NPLOC4: variants seen among roughly 807,000 people sequenced by gnomAD.
NPLOC4 encodes NPL4 homolog, ubiquitin recognition factor, also known as nuclear protein localization protein 4 homolog.
Under a neutral mutation model 80.6 loss-of-function variants are expected in NPLOC4, and 18 were observed. The ratio of observed to expected loss-of-function variants is 0.22; its 90% CI spans 0.15 to 0.33. The LOEUF (loss-of-function observed/expected upper bound fraction) is 0.33. Among genes scored for constraint, NPLOC4 ranks in the 10% least tolerant of loss-of-function variants. The pLI is 1.00. For missense variants in NPLOC4, 540 were observed against 786.1 expected, an observed-to-expected ratio of 0.69 and a Z score of 3.74; for synonymous variants, 313 against 301.5, an observed-to-expected ratio of 1.04 and a Z score of -0.39.
chr17:81,622,342 C>T, intron 2 of NPLOC4, 64 bp from the exon 3 acceptor site: 3 of 1,112,120 alleles, frequency 2.7e-6, no homozygotes, highest in Non-Finnish European at 4.1e-6. Flanking sequence ...ACATACCATA[C>T]ACACCAGACA....
intron 3 of NPLOC4, among the ~76,000 whole-genome samples, chr17:81,619,170 C>G (rs1330970495): frequency 6.6e-6 from 1 of 151,496 alleles, no homozygotes; most frequent in Non-Finnish European, 1.5e-5. Flanking sequence ...GCCAAATCCC[C>G]CTCTGCGAGA....
intron 12 of NPLOC4, among the ~76,000 whole-genome samples, chr17:81,575,108 C>CA (rs916245092): frequency 5.3e-5 from 8 of 151,348 alleles, no homozygotes; most frequent in Non-Finnish European, 1.2e-4. Context: ...GGTTACTTTT[C>CA]TTTTTTTTTG....
intron 12 of NPLOC4, among the ~76,000 whole-genome samples, chr17:81,575,472 A>C (rs968268239): frequency 3.9e-5 from 6 of 152,214 alleles, no homozygotes; most frequent in African/African-American, 1.4e-4. Flanking sequence ...TGCACACAGA[A>C]CTGGCAGCTG....
intron 2 of NPLOC4, among the ~76,000 whole-genome samples, chr17:81,624,518 C>T (rs955703533): frequency 2.0e-5 from 3 of 151,916 alleles, no homozygotes; most frequent in Non-Finnish European, 4.4e-5. Flanking sequence ...AGAATCACTT[C>T]GACCTGGGAG....
At chr17:81,602,778 G>A (rs1241137428) in intron 8 of NPLOC4, among the ~76,000 whole-genome samples, 1 of 151,636 alleles carries the variant, frequency 6.6e-6, no homozygotes, top group Non-Finnish European at 1.5e-5. Context: ...GGTGGCTTAT[G>A]CTTGTAATCC....
chr17:81,623,584 G>GT, intron 2 of NPLOC4, among the ~76,000 whole-genome samples: 1 of 151,490 alleles, frequency 6.6e-6, no homozygotes, highest in East Asian at 2.0e-4. Context: ...GGATCATGAG[G>GT]TCAGGAGATC....
At position 81,569,111 on chromosome 17, in the gene NPLOC4, T is replaced by A; in HGVS notation, c.1354A>T (p.Ile452Phe). Reference sequence around the variant, plus strand: ...GGATCCTTGGGGAAAGTTGTTGTGATCTAATGAAGAAAAACACAAACCCAT... The same window carrying A: ...GGATCCTTGGGGAAAGTTGTTGTGAACTAATGAAGAAAAACACAAACCCAT... Reference protein sequence around the residue: ...PLPVEYLIIDITTTFPKDPVY... With the variant: ...PLPVEYLIIDFTTTFPKDPVY... Residue 452 changes from isoleucine (I) to phenylalanine (F), a missense_variant and splice_region_variant, in exon 14 of 17, where the codon ATC becomes TTC. Ile to Phe is a conservative substitution (Grantham distance 21, BLOSUM62 0). Transcript: ENST00000331134. 6.2e-7 allele frequency: 1 copy of A among 1,603,962 alleles called. No individual in the cohort carries two copies. Among genetic ancestry groups the A allele is most frequent in the Non-Finnish European group, 8.5e-7 (1 of 1,170,868 alleles).
intron 13 of NPLOC4, among the ~76,000 whole-genome samples, chr17:81,570,416 G>A (rs755909181): frequency 6.6e-6 from 1 of 152,216 alleles, no homozygotes; most frequent in Non-Finnish European, 1.5e-5. Flanking sequence ...AGCCTGGCCT[G>A]CTCAGGCGCG....
chr17:81,604,749 G>C, intron 7 of NPLOC4, 22 bp from the exon 8 acceptor site: 1 of 1,590,512 alleles, frequency 6.3e-7, no homozygotes, highest in Non-Finnish European at 8.6e-7. Flanking sequence ...ACAAGAGTGG[G>C]CTGATGAAAA....
chr17:81,586,004 G>C (rs2034573621), intron 12 of NPLOC4, among the ~76,000 whole-genome samples: 1 of 152,004 alleles, frequency 6.6e-6, no homozygotes, highest in Non-Finnish European at 1.5e-5. Flanking sequence ...AAAAATATAG[G>C]TCAGGCACAG....
rs1313096016 is a variant in NPLOC4 at position 81,569,100 on chromosome 17, AGTT to A, written c.1362_1364del (p.Thr455del). Reference sequence around the variant, plus strand: ...AAGTGTAAACTGGATCCTTGGGGAAAGTTGTTGTGATCTAATGAAGAAAAACAC... The same window carrying A: ...AAGTGTAAACTGGATCCTTGGGGAAAGTTGTGATCTAATGAAGAAAAACAC... On this transcript the variant is annotated inframe_deletion, in exon 14 of 17. Transcript: ENST00000331134. 2 of 1,610,588 alleles carry A rather than the reference AGTT, an allele frequency of 1.2e-6. No individual in the cohort carries two copies. The highest frequency in any genetic ancestry group is 1.7e-6 in the Non-Finnish European group (2 of 1,177,040).
chr17:81,606,945 A>C, intron 6 of NPLOC4, 131 bp from the exon 7 acceptor site: 1 of 761,260 alleles, frequency 1.3e-6, no homozygotes. Flanking sequence ...GCAGCAGGGA[A>C]GATGGGCTAA....
At chr17:81,569,875 C>A (rs9895132) in intron 13 of NPLOC4, among the ~76,000 whole-genome samples, 22,612 of 152,180 alleles carry the variant, frequency 0.15, 2,038 homozygotes, top group Admixed American at 0.23. Flanking sequence ...ATAGAAATAC[C>A]ACTTTTATTC....
chr17:81,621,433 C>A (rs1214408408), intron 3 of NPLOC4, among the ~76,000 whole-genome samples: 1 of 152,224 alleles, frequency 6.6e-6, no homozygotes, highest in East Asian at 1.9e-4. Context: ...CCAGGCCCAC[C>A]ACTGAGCCAG....
chr17:81,575,291 C>T (rs974941894), intron 12 of NPLOC4, among the ~76,000 whole-genome samples: 24 of 152,082 alleles, frequency 1.6e-4, no homozygotes, highest in Non-Finnish European at 3.1e-4. Flanking sequence ...TTAGTAGAGA[C>T]GGGGTTTCAC....
intron 4 of NPLOC4, 95 bp from the exon 5 acceptor site, chr17:81,610,353 T>C (rs2035309390): frequency 9.3e-7 from 1 of 1,070,496 alleles, no homozygotes. Flanking sequence ...TAACAGAGTG[T>C]TTCCCTGCCC....
At chr17:81,634,346 T>G (rs934817584) in intron 1 of NPLOC4, among the ~76,000 whole-genome samples, 7 of 152,102 alleles carry the variant, frequency 4.6e-5, no homozygotes, top group African/African-American at 1.7e-4. Context: ...AAATAACTTT[T>G]TAAATCAATT....
At chr17:81,595,034 A>G (rs573187009) in intron 11 of NPLOC4, among the ~76,000 whole-genome samples, 3 of 152,036 alleles carry the variant, frequency 2.0e-5, no homozygotes, top group South Asian at 4.2e-4. Flanking sequence ...CAGCTTGAAC[A>G]CTTTTCTTTC....
rs763993906 is a variant in NPLOC4, at chr17:81,600,324, G to A, written c.921+17C>T. 5 of 1,596,170 alleles carry A rather than the reference G, an allele frequency of 3.1e-6. No homozygotes were observed. Among genetic ancestry groups the A allele is most frequent in the Non-Finnish European group, 1.7e-6 (2 of 1,169,680 alleles). The stretch of plus-strand genomic sequence containing the variant: ...GCCTGGCCACGCCCCCTGCTTGGCT[G>A]CCGGATGCCTCAGTACCTTCCGCAG... On this transcript the variant is annotated intron_variant, in intron 9 of 16. Transcript: ENST00000331134.
Sources: allele counts gnomAD v4.1 joint callset (sites outside exome capture counted in the v4.1 genomes callset), GRCh38; gene constraint gnomAD v4.1.1; transcripts MANE v1.5; gene names NCBI Gene and HGNC (gene_info 2026-07-23, HGNC 2026-07-21).